The following SYTL2 variants were observed in gnomAD, a reference collection of about 807,000 sequenced individuals.
SYTL2 encodes synaptotagmin-like protein 2.
A neutral mutation model predicts 198.7 loss-of-function variants in SYTL2; 165 were observed. The ratio of observed to expected loss-of-function variants is 0.83; its 90% CI spans 0.73 to 0.94. The LOEUF is 0.94. SYTL2 is among the 40% of genes least tolerant of loss of function. The pLI is 0.00. For missense variants in SYTL2, 2,835 were observed against 2,582.8 expected, an observed-to-expected ratio of 1.10 and a Z score of -2.12; for synonymous variants, 966 against 917.7, an observed-to-expected ratio of 1.05 and a Z score of -0.95.
At chr11:85,813,743 CCTT>C (rs2093058222), upstream of SYTL2, among the ~76,000 whole-genome samples, 8 of 137,142 alleles carry the variant, frequency 5.8e-5, 1 homozygote, top group Admixed American at 5.8e-4. Flanking sequence ...TTCCTTCCTT[CCTT>C]TTTTGGCAGG....
chr11:85,717,603 C>G (rs1224971885), intron 10 of SYTL2, 73 bp from the exon 11 acceptor site: 2 of 1,285,332 alleles, frequency 1.6e-6, no homozygotes, highest in Non-Finnish European at 2.3e-6. Context: ...AAGTAAAGCT[C>G]AAATGTCAGT....
At chr11:85,799,511 A>C (rs1303569988) in intron 1 of SYTL2, among the ~76,000 whole-genome samples, 1 of 152,220 alleles carries the variant, frequency 6.6e-6, no homozygotes, top group East Asian at 1.9e-4. Flanking sequence ...AGGGACTAAA[A>C]GTCCATAAAA....
At chr11:85,770,393 C>T (rs77171870) in intron 1 of SYTL2, among the ~76,000 whole-genome samples, 5,812 of 152,198 alleles carry the variant, frequency 0.038, 179 homozygotes, top group East Asian at 0.11. Context: ...TCCTGGTTCT[C>T]CCTCATTTCT....
chr11:85,759,477 A>G (rs577126971), intron 1 of SYTL2, among the ~76,000 whole-genome samples: 1 of 152,324 alleles, frequency 6.6e-6, no homozygotes, highest in East Asian at 1.9e-4. Context: ...ACAGATTGTA[A>G]GGATTAAATG....
intron 10 of SYTL2, 119 bp from the exon 11 acceptor site, chr11:85,717,649 T>C (rs1171706379): frequency 2.4e-6 from 2 of 844,930 alleles, no homozygotes; most frequent in Admixed American, 3.5e-5. Flanking sequence ...TCTGACAGGT[T>C]TTCATCTTGC....
chr11:85,736,860 A>T (rs997599792), intron 5 of SYTL2, among the ~76,000 whole-genome samples: 2 of 152,232 alleles, frequency 1.3e-5, no homozygotes, highest in South Asian at 2.1e-4. Context: ...CAGACACTTA[A>T]ATCAAAATCC....
chr11:85,764,400 A>C (rs532163965), intron 1 of SYTL2, among the ~76,000 whole-genome samples: 1 of 152,314 alleles, frequency 6.6e-6, no homozygotes, highest in African/African-American at 2.4e-5. Context: ...GGAAGAGAAC[A>C]CTGGCGCTCA....
intron 7 of SYTL2, among the ~76,000 whole-genome samples, chr11:85,732,718 T>C (rs2089937555): frequency 6.6e-6 from 1 of 152,164 alleles, no homozygotes; most frequent in South Asian, 2.1e-4. Context: ...GTTCTTCACA[T>C]GTATCCCAGA....
In SYTL2 at chr11:85,726,976, G is replaced by C. The variant is rs1335908521; in HGVS notation, c.2382C>G (p.Asp794Glu). Residue 794 changes from aspartate (D) to glutamate (E), a missense_variant, in exon 8 of 20, where the codon GAC (aspartate) becomes GAG (glutamate). This residue lies in a region of SYTL2 where 2,645 missense variants were observed against 2,381.7 expected (regional missense o/e 1.11). Coordinates refer to ENST00000359152, the MANE Select transcript of SYTL2 (RefSeq NM_206927.4). ...VQREKYKRVS[D>E]RISFWEGEKA... The stretch of plus-strand genomic sequence containing the variant: ...TCTCTCCTTCCCAAAAGGATATTCT[G>C]TCACTCACTCTTTTGTATTTCTCTC... 1 of 1,536,516 alleles carries C rather than the reference G, an allele frequency of 6.5e-7. No individual in the cohort carries two copies. The highest frequency in any genetic ancestry group is 8.7e-7 in the Non-Finnish European group (1 of 1,147,020).
At chr11:85,782,902 T>G (rs1008353922) in intron 1 of SYTL2, among the ~76,000 whole-genome samples, 7 of 152,234 alleles carry the variant, frequency 4.6e-5, no homozygotes, top group African/African-American at 1.7e-4. Context: ...TATCAGCATT[T>G]TGGTCAAAAC....
chr11:85,781,255 A>G (rs2092554953), intron 1 of SYTL2, among the ~76,000 whole-genome samples: 1 of 152,122 alleles, frequency 6.6e-6, no homozygotes, highest in Admixed American at 6.5e-5. Context: ...GCAAAAGGGG[A>G]AAAAGCCCCT....
At chr11:85,735,978 T>A (rs2090308157) in intron 6 of SYTL2, among the ~76,000 whole-genome samples, 1 of 152,212 alleles carries the variant, frequency 6.6e-6, no homozygotes, top group Non-Finnish European at 1.5e-5. Flanking sequence ...GAGATTGAAA[T>A]GTTTAGCATT....
At chr11:85,753,449 G>A (rs916172812) in intron 2 of SYTL2, among the ~76,000 whole-genome samples, 9 of 152,048 alleles carry the variant, frequency 5.9e-5, no homozygotes, top group East Asian at 5.8e-4. Context: ...ATCTGGAACC[G>A]TTATTGTCTC....
chr11:85,820,557 G>T, the SYTL2 span, among the ~76,000 whole-genome samples: 1 of 152,184 alleles, frequency 6.6e-6, no homozygotes, highest in Admixed American at 6.5e-5. Context: ...TAACTCTGGG[G>T]GTGAGGCCAA....
intron 4 of SYTL2, among the ~76,000 whole-genome samples, chr11:85,740,700 C>A (rs1356408859): frequency 6.6e-6 from 1 of 152,116 alleles, no homozygotes; most frequent in African/African-American, 2.4e-5. Flanking sequence ...TGTAACCTTC[C>A]CTCAGGCACT....
At chr11:85,719,793 T>G (rs2088001258) in intron 9 of SYTL2, among the ~76,000 whole-genome samples, 1 of 152,216 alleles carries the variant, frequency 6.6e-6, no homozygotes, top group African/African-American at 2.4e-5. Flanking sequence ...AATCTGTGAA[T>G]TTTAGGAAAT....
At chr11:85,721,802 A>G (rs2088351608) in intron 8 of SYTL2, among the ~76,000 whole-genome samples, 1 of 152,208 alleles carries the variant, frequency 6.6e-6, no homozygotes, top group South Asian at 2.1e-4. Flanking sequence ...TCTAAGATGA[A>G]TTAGATTTGG....
chr11:85,772,523 A>C (rs2092376352), intron 1 of SYTL2, among the ~76,000 whole-genome samples: 1 of 152,244 alleles, frequency 6.6e-6, no homozygotes, highest in South Asian at 2.1e-4. Context: ...TATGTCTCTG[A>C]ATCTGCAAAA....
At chr11:85,735,351 G>A (rs766517306) in intron 6 of SYTL2, among the ~76,000 whole-genome samples, 4 of 152,006 alleles carry the variant, frequency 2.6e-5, no homozygotes, top group Non-Finnish European at 4.4e-5. Flanking sequence ...CTCAAAAGAG[G>A]CTTAAAGAAA....
Sources: allele counts gnomAD v4.1 joint callset (sites outside exome capture counted in the v4.1 genomes callset), GRCh38; gene constraint gnomAD v4.1.1; regional missense constraint gnomAD v4.1.1; transcripts MANE v1.5; gene names NCBI Gene and HGNC (gene_info 2026-07-23, HGNC 2026-07-21).